Variants in POLI observed in about 807,000 individuals in gnomAD.
POLI encodes the protein RAD30 homolog B.
A neutral mutation model predicts 51.6 loss-of-function variants in POLI; 58 were observed. The ratio of observed to expected loss-of-function variants is 1.12; its 90% CI spans 0.91 to 1.40. The LOEUF is 1.40. POLI is among the 40% of genes most tolerant of loss of function. The pLI, the probability that POLI is intolerant of heterozygous loss-of-function variation, is 0.00. For missense variants in POLI, 921 were observed against 871.3 expected (o/e 1.06, Z -0.72); for synonymous variants, 322 against 299.7 (o/e 1.07, Z -0.77).
intron 3 of POLI, among the ~76,000 whole-genome samples, chr18:54,303,966 G>C (rs566889611): frequency 1.6e-3 from 236 of 151,146 alleles, no homozygotes; most frequent in Non-Finnish European, 2.8e-3. Context: ...CTGTGTCCAA[G>C]TGTTCTCATT....
chr18:54,289,681 A>G (rs891238830), intron 8 of POLI, among the ~76,000 whole-genome samples: 10 of 151,000 alleles, frequency 6.6e-5, no homozygotes, highest in African/African-American at 2.4e-4. Flanking sequence ...CCACACATCT[A>G]CAACCATCTG....
At chr18:54,310,087 G>C (rs941116502) in intron 3 of POLI, among the ~76,000 whole-genome samples, 1 of 152,168 alleles carries the variant, frequency 6.6e-6, no homozygotes, top group African/African-American at 2.4e-5. Context: ...GCATCCGTGG[G>C]CTGCACCCAC....
chr18:54,290,198 CATTT>C (rs1245893117), intron 8 of POLI, among the ~76,000 whole-genome samples: 1 of 152,216 alleles, frequency 6.6e-6, no homozygotes, highest in Non-Finnish European at 1.5e-5. Flanking sequence ...CAAAAGAAGA[CATTT>C]ATGCTGCCAA....
chr18:54,299,413 TGACAG>T (rs2088451886), downstream of POLI, among the ~76,000 whole-genome samples: 1 of 152,088 alleles, frequency 6.6e-6, no homozygotes, highest in Admixed American at 6.6e-5. Flanking sequence ...CCAGCCTGAG[TGACAG>T]AGCAAGACTC....
Position 54,296,074 on chromosome 18 carries a change from T to C in POLI, c.*1607T>C. ...AATTGTTCACCATGCAAATATTTAG[T>C]ACTCTGAATCAAGGAACATAGTATT... On this transcript the variant is annotated 3_prime_UTR_variant, in exon 10 of 10. Coordinates refer to ENST00000579534, the MANE Select transcript of POLI (RefSeq NM_007195.3). 4 of 984,990 alleles carry C rather than the reference T, an allele frequency of 4.1e-6. No homozygotes were observed. The highest frequency in any genetic ancestry group is 4.8e-6 in the Non-Finnish European group (4 of 829,526). 61.0% of individuals were successfully genotyped at this position (984,990 alleles called of 1,614,324 possible).
intron 4 of POLI, among the ~76,000 whole-genome samples, chr18:54,278,651 G>A (rs919848785): frequency 6.6e-6 from 1 of 152,178 alleles, no homozygotes; most frequent in African/African-American, 2.4e-5. Context: ...AAGCAGAATG[G>A]TTTGTCTCCT....
At chr18:54,278,120 A>G (rs2087334121) in intron 4 of POLI, among the ~76,000 whole-genome samples, 1 of 152,156 alleles carries the variant, frequency 6.6e-6, no homozygotes, top group African/African-American at 2.4e-5. Flanking sequence ...CAGAGCATTC[A>G]TCTGTGCAGA....
chr18:54,301,692 T>TA (rs938137686), downstream of POLI, among the ~76,000 whole-genome samples: 1 of 152,152 alleles, frequency 6.6e-6, no homozygotes. Flanking sequence ...GCCTCCAGAC[T>TA]CCCAGGTCCT....
Position 54,274,015 on chromosome 18 carries a change from GA to G in POLI, c.335del (p.Lys112SerfsTer7). The G allele has an allele frequency of 6.3e-7, 1 of 1,582,606 alleles. No homozygotes were observed. Among genetic ancestry groups the G allele is most frequent in the Non-Finnish European group, 8.6e-7 (1 of 1,162,758 alleles). ...ACTTATGAATGTCAGAGATGCAAAAGAAAAGTGTCCACAGTTGGTATTAGTT... is the reference window on the plus strand; with the variant it reads ...ACTTATGAATGTCAGAGATGCAAAAGAAAGTGTCCACAGTTGGTATTAGTT... ...KKLMNVRDAK[E>X]KCPQLVLVNG... On this transcript the variant is annotated frameshift_variant, in exon 3 of 10. Coordinates refer to ENST00000579534, the MANE Select transcript of POLI (RefSeq NM_007195.3). LOFTEE classifies it high-confidence loss of function.
intron 9 of POLI, among the ~76,000 whole-genome samples, 193 bp downstream of exon 9, chr18:54,292,231 A>G (rs1407885808): frequency 6.6e-6 from 1 of 152,142 alleles, no homozygotes; most frequent in Non-Finnish European, 1.5e-5. Context: ...ATCTAAGAAG[A>G]AAACATAAGC....
intron 1 of POLI, chr18:54,269,867 G>T: frequency 7.6e-7 from 1 of 1,324,200 alleles, no homozygotes; most frequent in Non-Finnish European, 9.6e-7. Context: ...AGGGTGGGGC[G>T]CGTCCACACT....
intron 4 of POLI, 30 bp from the exon 5 acceptor site, chr18:54,280,637 G>A: frequency 7.0e-7 from 1 of 1,433,210 alleles, no homozygotes; most frequent in Non-Finnish European, 9.8e-7. Context: ...TTTTTCTTGT[G>A]ACTTTGAATG....
chr18:54,311,582 A>T (rs2088669997), intron 3 of POLI, among the ~76,000 whole-genome samples: 1 of 152,220 alleles, frequency 6.6e-6, no homozygotes, highest in Non-Finnish European at 1.5e-5. Flanking sequence ...TGATGTTGAC[A>T]GAAGAATATT....
chr18:54,313,126 T>G (rs952225907), intron 3 of POLI, among the ~76,000 whole-genome samples: 4 of 152,192 alleles, frequency 2.6e-5, no homozygotes, highest in Non-Finnish European at 5.9e-5. Context: ...TAATTTTGTG[T>G]ATGGTGATAG....
intron 4 of POLI, among the ~76,000 whole-genome samples, chr18:54,278,892 T>A (rs550087839): frequency 3.3e-5 from 5 of 152,322 alleles, no homozygotes; most frequent in Non-Finnish European, 7.3e-5. Context: ...TCCTCTTTTT[T>A]GAGAACTAGA....
At position 54,281,564 on chromosome 18, in the gene POLI, T is replaced by C. The variant is rs73487910; in HGVS notation, c.796+661T>C. 7.4e-3 allele frequency among the ~76,000 whole-genome samples: 1,125 copies of C among 152,268 alleles called. 15 individuals are homozygous for C. Among genetic ancestry groups the C allele is most frequent in the African/African-American group, 0.026 (1,068 of 41,548 alleles). On this transcript the variant is annotated intron_variant, in intron 5 of 9. Transcript: ENST00000579534. ...ATACTTCACATTTTTAACTGATACT[T>C]GCGTGATTCCAAAATGTATTATACA...
chr18:54,316,902 G>C (rs1204704703), intron 3 of POLI, among the ~76,000 whole-genome samples: 1 of 152,096 alleles, frequency 6.6e-6, no homozygotes, highest in African/African-American at 2.4e-5. Flanking sequence ...GTTGATTGAG[G>C]GTTGCTATTT....
chr18:54,287,698 G>C (rs928427783), intron 8 of POLI: 1 of 219,706 alleles, frequency 4.6e-6, no homozygotes, highest in African/African-American at 2.3e-5. Context: ...TTCTGCCCCA[G>C]CCTCCCGAGT....
In POLI at chr18:54,310,458, T is replaced by C. The variant is rs1288307315; in HGVS notation, c.334-9815T>C. On this transcript the variant is annotated intron_variant, in intron 3 of 4. Coordinates refer to the POLI transcript ENST00000579823. ...AAGGATAGTGTGGAATTCTCTCTTA[T>C]CCTGTTACCTCACAGTATTACCTAC... Among the ~76,000 whole-genome samples, 7 of 149,602 alleles carry C rather than the reference T, an allele frequency of 4.7e-5. No homozygotes were observed. The Admixed American group carries it at 4.7e-4, about 10-fold the overall frequency.
Sources: allele counts gnomAD v4.1 joint callset (sites outside exome capture counted in the v4.1 genomes callset), GRCh38; gene constraint gnomAD v4.1.1; transcripts MANE v1.5; gene names NCBI Gene and HGNC (gene_info 2026-07-23, HGNC 2026-07-21).